Variants in ERG observed in about 807,000 individuals in gnomAD.
The protein encoded by ERG is ETS transcription factor ERG.
In ERG, 9 loss-of-function variants were observed where a neutral mutation model predicts 55.3. The observed-to-expected ratio is 0.16, with a 90% CI of 0.10 to 0.28. The LOEUF is 0.28. ERG is among the 10% of genes least tolerant of loss of function. The probability of loss-of-function intolerance (pLI) is 1.00; values close to 1 mark genes in which losing one functional copy is unlikely to be tolerated. For synonymous variants in ERG, 223 were observed against 237.3 expected (o/e 0.94, Z 0.55); for missense variants, 434 against 631.6 (o/e 0.69, Z 3.35).
chr21:38,381,480 A>G lies in ERG; in HGVS notation c.*1923T>C. 9.4e-7 allele frequency: 1 copy of G among 1,063,430 alleles called. No individual in the cohort carries two copies. The highest frequency in any genetic ancestry group is 1.1e-6 in the Non-Finnish European group (1 of 878,130). 65.9% of individuals were successfully genotyped at this position (1,063,430 alleles called of 1,614,324 possible). A position where few individuals can be genotyped will look rare whatever the true frequency, so the allele number is the denominator to read the frequency against. On this transcript the variant is annotated 3_prime_UTR_variant, in exon 10 of 10. Transcript: ENST00000288319. ...AATCCCAAGCCACAGTGCCCAGGTA[A>G]CTCTGATGTAGCAGGACTAAAGCTG...
rs569613243 is a variant in ERG at position 38,456,438 on chromosome 21, A to T, written c.19-10817T>A. On this transcript the variant is annotated intron_variant, in intron 1 of 9. Transcript: ENST00000288319. ...AAGCACTTCAATAATAATAATAAAT[A>T]AAAAAATTTAAAAAATAAAAAACAC... Among the ~76,000 whole-genome samples the T allele has an allele frequency of 8.5e-5, 13 of 152,314 alleles. No homozygotes were observed. The East Asian group carries it at 2.1e-3, about 25-fold the overall frequency.
At chr21:38,445,694 A>G in intron 1 of ERG, 73 bp from the exon 2 acceptor site, 1 of 1,275,950 alleles carries the variant, frequency 7.8e-7, no homozygotes, top group South Asian at 1.3e-5. Flanking sequence ...TGTTGATTTC[A>G]GAGTCCTTTC....
chr21:38,654,320 A>G (rs959316552), intron 1 of ERG, among the ~76,000 whole-genome samples: 3 of 152,294 alleles, frequency 2.0e-5, no homozygotes, highest in African/African-American at 7.2e-5. Flanking sequence ...TCTACTACAA[A>G]AATTACCCAG....
At chr21:38,412,924 T>A (rs1989126521) in intron 3 of ERG, among the ~76,000 whole-genome samples, 1 of 152,282 alleles carries the variant, frequency 6.6e-6, no homozygotes, top group Non-Finnish European at 1.5e-5. Flanking sequence ...GATTTCGTAT[T>A]TACTTCTGCC....
At chr21:38,413,359 C>T (rs561979116) in intron 3 of ERG, among the ~76,000 whole-genome samples, 1 of 152,172 alleles carries the variant, frequency 6.6e-6, no homozygotes, top group African/African-American at 2.4e-5. Context: ...ACCAAGAGCC[C>T]TCTCTGCATA....
chr21:38,409,146 C>G (rs566953440), intron 3 of ERG, among the ~76,000 whole-genome samples: 38 of 152,256 alleles, frequency 2.5e-4, no homozygotes, highest in African/African-American at 8.9e-4. Flanking sequence ...TAAGGACCCA[C>G]TGAGAGAGGC....
At chr21:38,377,080 C>T (rs1987263617), downstream of ERG, among the ~76,000 whole-genome samples, 2 of 152,228 alleles carry the variant, frequency 1.3e-5, no homozygotes. Flanking sequence ...TAAGATTTTT[C>T]TGTGACTTAG....
chr21:38,428,916 G>T (rs1431508846), intron 2 of ERG, among the ~76,000 whole-genome samples: 1 of 152,004 alleles, frequency 6.6e-6, no homozygotes, highest in Non-Finnish European at 1.5e-5. Flanking sequence ...TAGTTTTGGG[G>T]GAACAGGTGG....
rs1416359930 is a variant in ERG, at chr21:38,403,556, G to C, written c.542C>G (p.Pro181Arg). The change falls in exon 4 of 10, where the codon CCC becomes CGC. Residue 181 changes from proline (P) to arginine (R), a missense_variant. Pro to Arg is a moderately radical substitution (Grantham distance 103). Transcript: ENST00000288319. ...GAGAAGGATGTCGGCGTTGTAGCTGGGGGTGAGCCTCTGGAAGTCGTCCTT... is the reference window on the plus strand; with the variant it reads ...GAGAAGGATGTCGGCGTTGTAGCTGCGGGTGAGCCTCTGGAAGTCGTCCTT... The part of the protein sequence containing the change: ...MTKDDFQRLT[P>R]SYNADILLSH... 1 of 1,614,184 alleles carries C rather than the reference G, an allele frequency of 6.2e-7. No individual in the cohort carries two copies. The highest frequency in any genetic ancestry group is 8.5e-7 in the Non-Finnish European group (1 of 1,180,018).
intron 3 of ERG, among the ~76,000 whole-genome samples, chr21:38,407,061 A>G (rs1988806728): frequency 6.6e-6 from 1 of 152,218 alleles, no homozygotes; most frequent in Non-Finnish European, 1.5e-5. Context: ...ACAACACAAT[A>G]ATACAACAAT....
At chr21:38,496,256 G>A (rs139765370) in intron 1 of ERG, among the ~76,000 whole-genome samples, 1 of 152,300 alleles carries the variant, frequency 6.6e-6, no homozygotes, top group Non-Finnish European at 1.5e-5. Context: ...CAGAGCATCT[G>A]ATACCTAATC....
At chr21:38,632,660 C>T (rs1273384957) in intron 1 of ERG, among the ~76,000 whole-genome samples, 1 of 152,218 alleles carries the variant, frequency 6.6e-6, no homozygotes, top group Non-Finnish European at 1.5e-5. Flanking sequence ...TTTCCTCCTC[C>T]TTTGCCTTCC....
At chr21:38,618,783 C>T (rs1328966132) in intron 1 of ERG, among the ~76,000 whole-genome samples, 1 of 152,184 alleles carries the variant, frequency 6.6e-6, no homozygotes, top group Non-Finnish European at 1.5e-5. Context: ...TTCTAGCTCC[C>T]CTCTACCACT....
At chr21:38,522,608 G>A (rs982514315) in intron 2 of ERG, among the ~76,000 whole-genome samples, 2 of 152,176 alleles carry the variant, frequency 1.3e-5, no homozygotes, top group Non-Finnish European at 2.9e-5. Flanking sequence ...TTACAGTGTA[G>A]TAGATCAAGC....
chr21:38,502,870 G>A (rs1261943734), upstream of ERG, among the ~76,000 whole-genome samples: 1 of 90,242 alleles, frequency 1.1e-5, no homozygotes, highest in Admixed American at 1.1e-4. Context: ...GGGACTACAG[G>A]TGCCCGCCAC....
Position 38,403,539 on chromosome 21 carries a change from T to C in ERG, c.559A>G (p.Ile187Val). 6.2e-7 allele frequency: 1 copy of C among 1,614,156 alleles called. No individual in the cohort carries two copies. Among genetic ancestry groups the C allele is most frequent in the South Asian group, 1.1e-5 (1 of 91,072 alleles). The change falls in exon 4 of 10, where the codon ATC becomes GTC. Residue 187 changes from isoleucine (I) to valine (V), a missense_variant. Ile to Val is a conservative substitution (Grantham distance 29). Transcript: ENST00000288319. The part of the protein sequence containing the change: ...QRLTPSYNAD[I>V]LLSHLHYLRE... ...AGGTAGTGGAGATGTGAGAGAAGGA[T>C]GTCGGCGTTGTAGCTGGGGGTGAGC...
chr21:38,419,878 C>T (rs534558761), intron 3 of ERG, among the ~76,000 whole-genome samples: 61 of 152,268 alleles, frequency 4.0e-4, no homozygotes, highest in African/African-American at 1.2e-3. Context: ...AATCTGAACA[C>T]GGACAAAGCC....
rs954792925 is a variant in ERG, at chr21:38,415,530, G to C, written c.388+7880C>G. Among the ~76,000 whole-genome samples, 3 of 152,272 alleles carry C rather than the reference G, an allele frequency of 2.0e-5. No individual in the cohort carries two copies. In the South Asian group the frequency reaches 6.2e-4, roughly 32 times the overall value. ...GTTATTTAGTTGTTTGAGCATAGCA[G>C]GAATTTAAACAGAAGATTAAAGAAG... On this transcript the variant is annotated intron_variant, in intron 3 of 9. Coordinates refer to ENST00000288319, the MANE Select transcript of ERG (RefSeq NM_182918.4).
At chr21:38,575,216 C>A (rs1266226748) in intron 2 of ERG, among the ~76,000 whole-genome samples, 2 of 152,140 alleles carry the variant, frequency 1.3e-5, no homozygotes, top group South Asian at 2.1e-4. Context: ...TGCTCGCTAA[C>A]CCCAGGCAAG....
Sources: allele counts gnomAD v4.1 joint callset (sites outside exome capture counted in the v4.1 genomes callset), GRCh38; gene constraint gnomAD v4.1.1; transcripts MANE v1.5; gene names NCBI Gene and HGNC (gene_info 2026-07-23, HGNC 2026-07-21).